The following PKHD1 variants were observed in gnomAD, a reference collection of about 807,000 sequenced individuals.
The protein encoded by PKHD1 is fibrocystin.
A neutral mutation model predicts 412.0 loss-of-function variants in PKHD1; 291 were observed. The ratio of observed to expected loss-of-function variants is 0.71; its 90% confidence interval spans 0.64 to 0.78. The LOEUF is 0.78. Ranked by LOEUF, PKHD1 falls within the 30% of genes least tolerant of loss-of-function variation. The pLI is 0.00. For missense variants in PKHD1, 4,825 were observed against 4,950.7 expected (o/e 0.97, Z 0.76); for synonymous variants, 1,777 against 1,821.5 (o/e 0.98, Z 0.62).
At chr6:51,632,903 C>T (rs1561992338) in intron 64 of PKHD1, among the ~76,000 whole-genome samples, 180 bp from the exon 65 acceptor site, 1 of 151,984 alleles carries the variant, frequency 6.6e-6, no homozygotes, top group Non-Finnish European at 1.5e-5. Context: ...TCTAGAGAAT[C>T]ACAAGATTCC....
chr6:52,026,385 A>C (rs757110049), intron 31 of PKHD1, among the ~76,000 whole-genome samples: 3 of 152,226 alleles, frequency 2.0e-5, no homozygotes, highest in African/African-American at 7.2e-5. Context: ...ATAACAGTAA[A>C]ATAATACAAA....
intron 60 of PKHD1, among the ~76,000 whole-genome samples, chr6:51,732,552 A>G (rs751810945): frequency 1.4e-4 from 22 of 152,220 alleles, no homozygotes; most frequent in Non-Finnish European, 2.6e-4. Flanking sequence ...GATGTTCAAC[A>G]CTACTAATCA....
chr6:52,020,352 G>A (rs1353391993), intron 33 of PKHD1, among the ~76,000 whole-genome samples: 1 of 152,140 alleles, frequency 6.6e-6, no homozygotes, highest in African/African-American at 2.4e-5. Flanking sequence ...ACAAACATGG[G>A]ATCAGACGAT....
intron 60 of PKHD1, among the ~76,000 whole-genome samples, chr6:51,666,688 T>TC (rs571968074): frequency 2.0e-5 from 2 of 100,850 alleles, no homozygotes; most frequent in Non-Finnish European, 3.8e-5. Flanking sequence ...ATGCTATCCC[T>TC]CCCCCCTCCC....
At chr6:51,723,407 G>C (rs1206253029) in intron 60 of PKHD1, among the ~76,000 whole-genome samples, 4 of 152,178 alleles carry the variant, frequency 2.6e-5, no homozygotes, top group African/African-American at 9.6e-5. Context: ...GCGTGATCCT[G>C]TTTGGAGTTG....
rs115623160 is a variant in PKHD1, at chr6:51,895,411, A to G, written c.6997-8166T>C. Among the ~76,000 whole-genome samples, 1,361 of 152,384 alleles carry G rather than the reference A, an allele frequency of 8.9e-3. 5 individuals are homozygous for G. Among genetic ancestry groups the G allele is most frequent in the South Asian group, 0.015 (74 of 4,828 alleles). On this transcript the variant is annotated intron_variant, in intron 43 of 66. Transcript: ENST00000371117. ...ACTGGACTAGACTTTGCAAGATTTAATGCTGATAGCCCAACAGAATCTAAA... is the reference window on the plus strand; with the variant it reads ...ACTGGACTAGACTTTGCAAGATTTAGTGCTGATAGCCCAACAGAATCTAAA...
In PKHD1 at chr6:51,934,189, G is replaced by A. The variant is rs373208457; in HGVS notation, c.6042C>T (p.Tyr2014=). Residue 2014 remains tyrosine (Y), a synonymous_variant, in exon 37 of 67, where the codon TAC becomes TAT. Coordinates refer to ENST00000371117, the MANE Select transcript of PKHD1 (RefSeq NM_138694.4). The stretch of plus-strand genomic sequence containing the variant: ...AGAAGGGAGTTGAGTAGGAACTCCC[G>A]TAGAGTGTGATCTGAGCTCTGCCTT... ...PFQGRAQITL[Y]GSSYSTPFFP... 29 of 1,613,382 alleles carry A rather than the reference G, an allele frequency of 1.8e-5. No individual in the cohort carries two copies. The highest frequency in any genetic ancestry group is 8.9e-5 in the East Asian group (4 of 44,894).
rs754626014 is a variant in PKHD1, at chr6:51,632,619, A to C, written c.11611T>G (p.Trp3871Gly). The C allele has an allele frequency of 1.2e-6, 2 of 1,613,572 alleles. No homozygotes were observed. The highest frequency in any genetic ancestry group is 3.3e-5 in the Admixed American group (2 of 59,946). ...LAASLSSVASWLALSCLVCCW... is the reference protein window; with the variant it reads ...LAASLSSVASGLALSCLVCCW... Reference sequence around the variant, plus strand: ...CACACCAGACAGCTCAGAGCCAGCCATGAGGCCACAGAGGACAGGGAAGCA... The same window carrying C: ...CACACCAGACAGCTCAGAGCCAGCCCTGAGGCCACAGAGGACAGGGAAGCA... The change falls in exon 65 of 67, where the codon TGG (tryptophan) becomes GGG (glycine). Residue 3871 changes from tryptophan (W) to glycine (G), a missense_variant. Trp to Gly is a radical substitution (Grantham distance 184). Coordinates refer to ENST00000371117, the MANE Select transcript of PKHD1 (RefSeq NM_138694.4).
In PKHD1 at chr6:51,906,313, C is replaced by T. The variant is rs144673879; in HGVS notation, c.6710G>A (p.Arg2237Lys). 57 of 1,610,644 alleles carry T rather than the reference C, an allele frequency of 3.5e-5. No homozygotes were observed. The African/African-American group carries it at 7.2e-4, about 20-fold the overall frequency. The change falls in exon 41 of 67, where the codon AGG becomes AAG. Residue 2237 changes from arginine (R) to lysine (K), a missense_variant. Transcript: ENST00000371117. Reference protein sequence around the residue: ...RESFIQGCTVRNSFSRGLSMC... With the variant: ...RESFIQGCTVKNSFSRGLSMC... ...GCTGAGGCCTCTACTGAAGGAGTTC[C>T]TCACTGTGCAGCCCTGTATGAAAGA...
chr6:51,894,748 C>A (rs924672854), intron 43 of PKHD1, among the ~76,000 whole-genome samples: 1 of 152,158 alleles, frequency 6.6e-6, no homozygotes, highest in African/African-American at 2.4e-5. Flanking sequence ...GAAGATTAGG[C>A]CATCTTCTTC....
intron 52 of PKHD1, among the ~76,000 whole-genome samples, chr6:51,796,360 G>A (rs1292672956): frequency 6.0e-5 from 9 of 150,274 alleles, no homozygotes; most frequent in African/African-American, 2.2e-4. Flanking sequence ...TATCCCCCTT[G>A]TTGTTTCTGA....
intron 36 of PKHD1, among the ~76,000 whole-genome samples, chr6:51,957,337 A>T (rs898067242): frequency 6.6e-6 from 1 of 152,112 alleles, no homozygotes. Context: ...GATGTTCTGC[A>T]GGGTACTTCT....
intron 41 of PKHD1, among the ~76,000 whole-genome samples, chr6:51,904,696 G>T (rs879329661): frequency 2.6e-5 from 4 of 152,136 alleles, no homozygotes; most frequent in Non-Finnish European, 5.9e-5. Flanking sequence ...TACAATAGAT[G>T]TCAAAATCTT....
intron 60 of PKHD1, among the ~76,000 whole-genome samples, chr6:51,709,719 G>C (rs1048514256): frequency 5.9e-5 from 9 of 152,238 alleles, no homozygotes; most frequent in African/African-American, 2.2e-4. Context: ...CATGGTCATT[G>C]TGTGAAATAC....
Position 51,806,192 on chromosome 6 carries a change from G to A in PKHD1, c.8303-14819C>T, listed in dbSNP as rs963132405. On this transcript the variant is annotated intron_variant, in intron 52 of 66. Coordinates refer to ENST00000371117, the MANE Select transcript of PKHD1 (RefSeq NM_138694.4). Reference sequence around the variant, plus strand: ...TACATATGTAACTAACCTGCACATTGTGCACATGTACCCTAAAACTTAAAG... The same window carrying A: ...TACATATGTAACTAACCTGCACATTATGCACATGTACCCTAAAACTTAAAG... 2.0e-5 allele frequency among the ~76,000 whole-genome samples: 3 copies of A among 150,336 alleles called. No homozygotes were observed. The Admixed American group carries it at 2.0e-4, about 10-fold the overall frequency.
At chr6:51,814,772 G>A (rs760258245) in intron 52 of PKHD1, among the ~76,000 whole-genome samples, 25 of 152,132 alleles carry the variant, frequency 1.6e-4, no homozygotes, top group Non-Finnish European at 3.1e-4. Context: ...AAAGGCCACC[G>A]GCTCACCAGG....
intron 40 of PKHD1, among the ~76,000 whole-genome samples, chr6:51,908,772 C>T (rs1402847232): frequency 6.6e-6 from 1 of 152,192 alleles, no homozygotes; most frequent in East Asian, 1.9e-4. Flanking sequence ...GAAAAAGCAC[C>T]TGGGTTTCAG....
At chr6:51,996,362 C>T (rs1017991024) in intron 35 of PKHD1, among the ~76,000 whole-genome samples, 5 of 151,946 alleles carry the variant, frequency 3.3e-5, no homozygotes, top group South Asian at 2.1e-4. Context: ...TATGAGAAAC[C>T]GACACTGTAA....
In PKHD1 at chr6:52,070,425, A is replaced by C. The variant is rs1017631060; in HGVS notation, c.688T>G (p.Ser230Ala). 2 of 1,609,922 alleles carry C rather than the reference A, an allele frequency of 1.2e-6. No homozygotes were observed. Among genetic ancestry groups the C allele is most frequent in the Non-Finnish European group, 1.7e-6 (2 of 1,176,350 alleles). ...ACTTACTTTCCTTTGTTAAATACTG[A>C]GAAGCTAACATTCTGGGAGCCTGTA... ...DYIGSQNVSF[S>A]VFNKGKSMVH... The change falls in exon 10 of 67, where the codon TCA becomes GCA. Residue 230 changes from serine to alanine, a missense_variant. Ser to Ala is a moderately conservative substitution (Grantham distance 99). Coordinates refer to ENST00000371117, the MANE Select transcript of PKHD1 (RefSeq NM_138694.4).
Sources: gnomAD v4.1 joint callset for allele counts (sites outside exome capture counted in the v4.1 genomes callset) on GRCh38, gnomAD v4.1.1 for gene constraint, MANE v1.5 for transcripts, NCBI Gene and HGNC (gene_info 2026-07-23, HGNC 2026-07-21) for gene names.